The following LRRC7 variants were observed in gnomAD, a reference collection of about 807,000 sequenced individuals.
LRRC7 encodes the protein leucine rich repeat containing 7, also known as leucine-rich repeat-containing protein 7.
A neutral mutation model predicts 175.7 loss-of-function variants in LRRC7; 23 were observed. The observed-to-expected ratio is 0.13, with a 90% CI of 0.09 to 0.19. The LOEUF (loss-of-function observed/expected upper bound fraction) is 0.19. Among genes scored for constraint, LRRC7 ranks in the 10% least tolerant of loss-of-function variants. The pLI, the probability that LRRC7 is intolerant of heterozygous loss-of-function variation, is 1.00. For missense variants in LRRC7, 1,354 were observed against 1,904.7 expected (o/e 0.71, Z 5.38); for synonymous variants, 685 against 680.9 (o/e 1.01, Z -0.09).
At chr1:70,058,079 GGCTCATT>G (rs1661291489) in intron 23 of LRRC7, among the ~76,000 whole-genome samples, 1 of 146,756 alleles carries the variant, frequency 6.8e-6, no homozygotes, top group African/African-American at 2.5e-5. Context: ...GTGTGATCTC[GGCTCATT>G]GCAGCCTCCC....
At chr1:69,631,311 C>G (rs1652456983) in intron 1 of LRRC7, among the ~76,000 whole-genome samples, 1 of 152,014 alleles carries the variant, frequency 6.6e-6, no homozygotes, top group African/African-American at 2.4e-5. Context: ...TTACATGATA[C>G]CATATCCTAC....
intron 1 of LRRC7, among the ~76,000 whole-genome samples, chr1:69,589,734 CT>C (rs1218824075): frequency 6.6e-6 from 1 of 152,106 alleles, no homozygotes; most frequent in African/African-American, 2.4e-5. Context: ...TATAGTTTGG[CT>C]TACTTTGAAT....
intron 8 of LRRC7, 58 bp downstream of exon 8, chr1:69,931,628 CTCTG>C: frequency 2.1e-6 from 3 of 1,410,836 alleles, no homozygotes; most frequent in Middle Eastern, 1.8e-4. Flanking sequence ...CTTTCTTTTG[CTCTG>C]TCTTTGTAAA....
At chr1:69,991,083 A>G (rs1348054723) in intron 10 of LRRC7, among the ~76,000 whole-genome samples, 1 of 151,418 alleles carries the variant, frequency 6.6e-6, no homozygotes, top group African/African-American at 2.4e-5. Flanking sequence ...TGAGCCCAGG[A>G]GTTCAGAGGT....
At chr1:70,009,408 T>C (rs1656291171) in intron 11 of LRRC7, among the ~76,000 whole-genome samples, 2 of 150,342 alleles carry the variant, frequency 1.3e-5, no homozygotes, top group African/African-American at 2.5e-5. Flanking sequence ...CTCACATATA[T>C]GGATTCCTGC....
chr1:69,687,520 C>CAAAAAAAAAAAAAA (rs551726376), intron 2 of LRRC7, among the ~76,000 whole-genome samples: 341 of 95,372 alleles, frequency 3.6e-3, no homozygotes, highest in Non-Finnish European at 4.1e-3. Flanking sequence ...AAGAAAAAAC[C>CAAAAAAAAAAAAAA]AAAAAAAAAA....
intron 25 of LRRC7, among the ~76,000 whole-genome samples, chr1:70,103,578 G>A (rs578142842): frequency 1.9e-4 from 29 of 152,232 alleles, no homozygotes; most frequent in African/African-American, 5.3e-4. Flanking sequence ...GAATGCAGCC[G>A]TACCAAAACT....
At chr1:69,781,688 G>GAAAGAAAGAAAGAAAGAAAGA (rs112404404) in intron 3 of LRRC7, among the ~76,000 whole-genome samples, 2 of 43,950 alleles carry the variant, frequency 4.6e-5, no homozygotes, top group Admixed American at 5.5e-4. Flanking sequence ...TCAAAAAAAA[G>GAAAGAAAGAAAGAAAGAAAGA]AAGAAAGAAA....
intron 1 of LRRC7, among the ~76,000 whole-genome samples, chr1:69,665,329 A>C (rs1415053584): frequency 6.6e-6 from 1 of 151,912 alleles, no homozygotes; most frequent in Non-Finnish European, 1.5e-5. Context: ...TGTTTTTTCT[A>C]TTTCTGTGAA....
intron 2 of LRRC7, among the ~76,000 whole-genome samples, chr1:69,700,496 C>T (rs187257016): frequency 7.0e-4 from 106 of 152,304 alleles, no homozygotes; most frequent in Non-Finnish European, 2.8e-4. Context: ...ACTGGCCTAG[C>T]AGAATCCCAC....
intron 1 of LRRC7, among the ~76,000 whole-genome samples, chr1:69,589,426 A>T (rs1646541852): frequency 6.6e-6 from 1 of 152,102 alleles, no homozygotes; most frequent in South Asian, 2.1e-4. Flanking sequence ...CATTTAGCTC[A>T]GACGCGTTCA....
chr1:69,948,928 T>C (rs1175555262), intron 8 of LRRC7, among the ~76,000 whole-genome samples: 1 of 152,098 alleles, frequency 6.6e-6, no homozygotes, highest in Non-Finnish European at 1.5e-5. Flanking sequence ...ATATTAGAAG[T>C]CAGTGGGAGC....
intron 2 of LRRC7, among the ~76,000 whole-genome samples, chr1:69,725,343 C>T (rs922213918): frequency 7.2e-5 from 11 of 152,100 alleles, no homozygotes. Context: ...CCGTACAATT[C>T]AAACCTGTGT....
chr1:69,960,591 TC>T (rs1464860683), intron 8 of LRRC7, among the ~76,000 whole-genome samples: 1 of 151,574 alleles, frequency 6.6e-6, no homozygotes, highest in African/African-American at 2.4e-5. Context: ...TTGAAATCTT[TC>T]TAGTTTTTTT....
At chr1:69,733,818 G>A (rs917479978) in intron 2 of LRRC7, among the ~76,000 whole-genome samples, 2 of 151,976 alleles carry the variant, frequency 1.3e-5, no homozygotes, top group African/African-American at 4.8e-5. Context: ...ATCAGATAAT[G>A]CATCTATAAT....
At chr1:69,982,476 A>G (rs1304130656) in intron 9 of LRRC7, among the ~76,000 whole-genome samples, 2 of 152,198 alleles carry the variant, frequency 1.3e-5, no homozygotes, top group Admixed American at 6.5e-5. Context: ...TAAAACATTT[A>G]ATATCATTAG....
At chr1:69,718,136 A>AAGAGAGAG in intron 2 of LRRC7, among the ~76,000 whole-genome samples, 1 of 79,718 alleles carries the variant, frequency 1.3e-5, no homozygotes, top group East Asian at 3.8e-4. Flanking sequence ...AAAAGAAAGA[A>AAGAGAGAG]AGAGAGAGAA....
intron 7 of LRRC7, among the ~76,000 whole-genome samples, chr1:69,893,814 C>T (rs1364806451): frequency 8.0e-6 from 1 of 124,414 alleles, no homozygotes; most frequent in African/African-American, 2.6e-5. Flanking sequence ...TACTTGAAAA[C>T]CAAACTTTTT....
At chr1:69,974,363 G>T (rs1294196841) in intron 8 of LRRC7, among the ~76,000 whole-genome samples, 1 of 152,094 alleles carries the variant, frequency 6.6e-6, no homozygotes, top group Non-Finnish European at 1.5e-5. Context: ...TAGTTGCTTA[G>T]AAGTAGATAA....
Sources: gnomAD v4.1 joint callset for allele counts (sites outside exome capture counted in the v4.1 genomes callset) on GRCh38, gnomAD v4.1.1 for gene constraint, MANE v1.5 for transcripts, NCBI Gene and HGNC (gene_info 2026-07-23, HGNC 2026-07-21) for gene names.